PPIP5K2: variants seen among roughly 807,000 people sequenced by gnomAD.
PPIP5K2 encodes the protein inositol hexakisphosphate and diphosphoinositol-pentakisphosphate kinase 2.
A neutral mutation model predicts 154.6 loss-of-function variants in PPIP5K2; 105 were observed. The observed-to-expected ratio is 0.68, with a 90% CI of 0.58 to 0.80. The LOEUF is 0.80. Ranked by LOEUF, PPIP5K2 falls within the 30% of genes least tolerant of loss-of-function variation. PPIP5K2 has a pLI of 0.00. For missense variants in PPIP5K2, 992 were observed against 1,504.6 expected, an observed-to-expected ratio of 0.66 and a Z score of 5.64; for synonymous variants, 480 against 490.3, an observed-to-expected ratio of 0.98 and a Z score of 0.28.
intron 19 of PPIP5K2, among the ~76,000 whole-genome samples, chr5:103,169,787 T>C (rs1797693001): frequency 6.6e-6 from 1 of 151,704 alleles, no homozygotes; most frequent in Admixed American, 6.6e-5. Context: ...TAAGTTTTAT[T>C]CTGTAAAAGA....
At chr5:103,146,813 A>G in intron 6 of PPIP5K2, 132 bp downstream of exon 6, 1 of 710,870 alleles carries the variant, frequency 1.4e-6, no homozygotes, top group African/African-American at 1.8e-5. Flanking sequence ...TAAATTTATG[A>G]AACTGATATA....
intron 4 of PPIP5K2, among the ~76,000 whole-genome samples, chr5:103,137,312 G>A (rs946359871): frequency 6.6e-6 from 1 of 151,730 alleles, no homozygotes; most frequent in Non-Finnish European, 1.5e-5. Flanking sequence ...ACAGGCGCCC[G>A]CCACCACGCC....
intron 25 of PPIP5K2, among the ~76,000 whole-genome samples, 185 bp downstream of exon 25, chr5:103,183,592 A>G (rs547576092): frequency 2.0e-5 from 3 of 152,060 alleles, no homozygotes; most frequent in East Asian, 3.8e-4. Context: ...AATCACTTAC[A>G]TGGCATGTGT....
rs1287970811 is a variant in PPIP5K2 at position 103,203,500 on chromosome 5, A to T, written c.*1866A>T. ...ATCTTAGAATCACTTTCCAAAACAA[A>T]TAAAAAGTCTACTGTATCAGAGCAA... On this transcript the variant is annotated 3_prime_UTR_variant, in exon 31 of 31. Transcript: ENST00000358359. 2 of 152,232 alleles carry T rather than the reference A, an allele frequency of 1.3e-5. No homozygotes were observed. The highest frequency in any genetic ancestry group is 4.8e-5 in the African/African-American group (2 of 41,454). 9.4% of individuals were successfully genotyped at this position (152,232 alleles called of 1,614,324 possible). A position where few individuals can be genotyped will look rare whatever the true frequency, so the allele number is the denominator to read the frequency against.
chr5:103,161,697 T>G (rs1796275994), intron 17 of PPIP5K2, among the ~76,000 whole-genome samples: 1 of 152,204 alleles, frequency 6.6e-6, no homozygotes, highest in Non-Finnish European at 1.5e-5. Flanking sequence ...GATTTGCATT[T>G]CTCTGATGGC....
At chr5:103,147,296 C>A (rs1554209505) in intron 6 of PPIP5K2, among the ~76,000 whole-genome samples, 1 of 151,860 alleles carries the variant, frequency 6.6e-6, no homozygotes, top group East Asian at 1.9e-4. Context: ...ACCATTTTAA[C>A]ATCCATTAAA....
At chr5:103,136,107 G>C (rs1446615097) in intron 3 of PPIP5K2, 1 of 151,836 alleles carries the variant, frequency 6.6e-6, no homozygotes, top group East Asian at 1.9e-4. Flanking sequence ...AAGTATCTGG[G>C]ATTACAGGTG....
chr5:103,152,576 C>G, intron 9 of PPIP5K2, 72 bp from the exon 10 acceptor site: 1 of 869,014 alleles, frequency 1.2e-6, no homozygotes, highest in Non-Finnish European at 1.9e-6. Flanking sequence ...ATGATTCTCT[C>G]TCATCCTCAT....
intron 26 of PPIP5K2, among the ~76,000 whole-genome samples, chr5:103,185,664 T>G (rs1554224701): frequency 6.6e-6 from 1 of 152,156 alleles, no homozygotes; most frequent in African/African-American, 2.4e-5. Context: ...AGCATCAGTT[T>G]ATACTGGCTG....
At position 103,201,698 on chromosome 5, in the gene PPIP5K2, A is replaced by G; in HGVS notation, c.*64A>G. 2 of 1,124,734 alleles carry G rather than the reference A, an allele frequency of 1.8e-6. No homozygotes were observed. The highest frequency in any genetic ancestry group is 2.5e-6 in the Non-Finnish European group (2 of 788,484). 69.7% of individuals were successfully genotyped at this position (1,124,734 alleles called of 1,614,324 possible). On this transcript the variant is annotated 3_prime_UTR_variant, in exon 31 of 31. Transcript: ENST00000358359. ...ATAGTATGTTCTTATGTTTCTCCTT[A>G]TGCATTTATGTGTTCACTTAAAAAT...
intron 27 of PPIP5K2, 51 bp downstream of exon 27, chr5:103,186,490 C>T: frequency 6.2e-7 from 1 of 1,604,694 alleles, no homozygotes; most frequent in Non-Finnish European, 8.5e-7. Flanking sequence ...ATGCACACAC[C>T]CATGAGCAGT....
intron 25 of PPIP5K2, 48 bp from the exon 26 acceptor site, chr5:103,184,624 G>T (rs1363776447): frequency 1.4e-6 from 2 of 1,435,476 alleles, no homozygotes; most frequent in South Asian, 1.2e-5. Flanking sequence ...ATAGACTTAT[G>T]AATTTATTTT....
At chr5:103,162,357 T>TG (rs1478796822) in intron 17 of PPIP5K2, among the ~76,000 whole-genome samples, 1 of 151,460 alleles carries the variant, frequency 6.6e-6, no homozygotes, top group Admixed American at 6.6e-5. Context: ...TTTCTTTTTT[T>TG]TTTTTTTGTT....
intron 24 of PPIP5K2, among the ~76,000 whole-genome samples, chr5:103,181,854 T>A (rs1234648014): frequency 1.3e-5 from 2 of 152,120 alleles, no homozygotes; most frequent in African/African-American, 4.8e-5. Flanking sequence ...GACAATTTTG[T>A]ATAGGCAAAA....
intron 29 of PPIP5K2, among the ~76,000 whole-genome samples, chr5:103,193,127 G>A (rs1490189269): frequency 6.6e-6 from 1 of 152,096 alleles, no homozygotes; most frequent in Non-Finnish European, 1.5e-5. Flanking sequence ...GAAAGACACA[G>A]TTGAGGAAAT....
chr5:103,141,710 C>T (rs1332079782), intron 5 of PPIP5K2, among the ~76,000 whole-genome samples: 2 of 152,134 alleles, frequency 1.3e-5, no homozygotes, highest in African/African-American at 2.4e-5. Flanking sequence ...ATTCACAAAC[C>T]TTGAGCTAAA....
intron 1 of PPIP5K2, among the ~76,000 whole-genome samples, chr5:103,128,813 G>C (rs1241887710): frequency 2.0e-5 from 3 of 152,056 alleles, no homozygotes; most frequent in African/African-American, 7.2e-5. Context: ...TATGAGACCA[G>C]AATATAGAAT....
At chr5:103,179,771 T>A (rs1799224653) in intron 23 of PPIP5K2, among the ~76,000 whole-genome samples, 2 of 152,138 alleles carry the variant, frequency 1.3e-5, no homozygotes, top group South Asian at 2.1e-4. Flanking sequence ...TGTGGTTTTT[T>A]AATTGTCATT....
At chr5:103,130,596 C>G (rs915016600) in intron 2 of PPIP5K2, among the ~76,000 whole-genome samples, 7 of 152,146 alleles carry the variant, frequency 4.6e-5, no homozygotes, top group African/African-American at 1.7e-4. Flanking sequence ...CTACTGTTAA[C>G]TCATTTAAAA....
Sources: allele counts gnomAD v4.1 joint callset (sites outside exome capture counted in the v4.1 genomes callset), GRCh38; gene constraint gnomAD v4.1.1; transcripts MANE v1.5; gene names NCBI Gene and HGNC (gene_info 2026-07-23, HGNC 2026-07-21).